Variants in USP49 observed in about 807,000 individuals in gnomAD.
USP49 encodes the protein ubiquitin specific peptidase 49, also known as ubiquitin carboxyl-terminal hydrolase 49.
Under a neutral mutation model 58.6 loss-of-function variants are expected in USP49, and 24 were observed. The ratio of observed to expected loss-of-function variants is 0.41; its 90% CI spans 0.30 to 0.58. The LOEUF (loss-of-function observed/expected upper bound fraction) is 0.58, where lower values mean the gene tolerates loss of function less well. USP49 is among the 20% of genes least tolerant of loss of function. The probability of loss-of-function intolerance (pLI) is 0.30; values close to 1 mark genes in which losing one functional copy is unlikely to be tolerated. For synonymous variants in USP49, 408 were observed against 365.1 expected (o/e 1.12, Z -1.34); for missense variants, 703 against 866.1 (o/e 0.81, Z 2.36).
chr6:41,800,755 A>G (rs1772983024), intron 5 of USP49, among the ~76,000 whole-genome samples: 1 of 152,260 alleles, frequency 6.6e-6, no homozygotes, highest in African/African-American at 2.4e-5. Flanking sequence ...GAAAAAAAGG[A>G]TAAGATTACT....
intron 3 of USP49, among the ~76,000 whole-genome samples, chr6:41,857,417 G>A (rs1774149454): frequency 6.6e-6 from 1 of 152,172 alleles, no homozygotes; most frequent in South Asian, 2.1e-4. Flanking sequence ...GGCCAAGGCA[G>A]GTGCATCGCT....
rs564220799 is a variant in USP49, at chr6:41,853,358, T to C, written c.-29+18206A>G. 1.5e-3 allele frequency among the ~76,000 whole-genome samples: 236 copies of C among 152,318 alleles called. No individual in the cohort carries two copies. The Middle Eastern group carries it at 0.027, about 18-fold the overall frequency. On this transcript the variant is annotated intron_variant, in intron 3 of 7. Transcript: ENST00000682992. ...TCATAGAGACAAAGTAGAATGGTGG[T>C]TGCCAGGGACTGGGGAAGAGGATGG...
At chr6:41,832,495 CAT>C (rs1297728150) in intron 3 of USP49, among the ~76,000 whole-genome samples, 2 of 152,196 alleles carry the variant, frequency 1.3e-5, no homozygotes, top group Admixed American at 6.5e-5. Context: ...AGCTCACACA[CAT>C]GGTGTGTTGC....
chr6:41,850,927 C>T (rs534319756), intron 3 of USP49, among the ~76,000 whole-genome samples: 13 of 151,698 alleles, frequency 8.6e-5, no homozygotes, highest in African/African-American at 3.1e-4. Context: ...AAACACACAA[C>T]TTACCAAGAC....
chr6:41,817,428 G>A (rs994078669), intron 3 of USP49, among the ~76,000 whole-genome samples: 3 of 147,240 alleles, frequency 2.0e-5, no homozygotes, highest in East Asian at 4.0e-4. Flanking sequence ...TTACAGGCAT[G>A]AGCCACCACG....
intron 2 of USP49, among the ~76,000 whole-genome samples, chr6:41,887,874 G>C (rs1774741443): frequency 6.6e-6 from 1 of 152,120 alleles, no homozygotes; most frequent in Non-Finnish European, 1.5e-5. Context: ...TCAGGAGAAT[G>C]CCTTACTTTC....
chr6:41,864,284 T>A (rs1561921848), intron 3 of USP49, among the ~76,000 whole-genome samples: 1 of 152,158 alleles, frequency 6.6e-6, no homozygotes, highest in African/African-American at 2.4e-5. Flanking sequence ...AAAATAGGGC[T>A]GGGTGCAGTG....
intron 3 of USP49, among the ~76,000 whole-genome samples, chr6:41,821,961 C>T (rs1773460137): frequency 6.6e-6 from 1 of 152,154 alleles, no homozygotes; most frequent in Non-Finnish European, 1.5e-5. Flanking sequence ...AATCTGGCCA[C>T]ACAGATCCAG....
chr6:41,823,039 A>C (rs1161499024), intron 3 of USP49, among the ~76,000 whole-genome samples: 1 of 152,244 alleles, frequency 6.6e-6, no homozygotes, highest in Admixed American at 6.5e-5. Flanking sequence ...TATTTTTAAA[A>C]AACTAAAAAA....
chr6:41,829,120 T>C (rs912289603), intron 3 of USP49, among the ~76,000 whole-genome samples: 7 of 152,182 alleles, frequency 4.6e-5, no homozygotes, highest in African/African-American at 1.7e-4. Context: ...ACTAAATGAT[T>C]ATTGCTGGTA....
rs558281488 is a variant in USP49, at chr6:41,882,466, C to T, written c.-103+9328G>A. 7.9e-5 allele frequency among the ~76,000 whole-genome samples: 12 copies of T among 152,232 alleles called. No homozygotes were observed. In the East Asian group the frequency reaches 2.3e-3, roughly 29 times the overall value. On this transcript the variant is annotated intron_variant, in intron 2 of 7. Coordinates refer to ENST00000682992, the MANE Select transcript of USP49 (RefSeq NM_001286554.2). ...CCACATCCAAAGATTGCTCCATATA[C>T]ATTAAAAACTTAAGGGGAAATGTAA...
At chr6:41,866,547 A>G (rs1774322493) in intron 3 of USP49, among the ~76,000 whole-genome samples, 1 of 152,254 alleles carries the variant, frequency 6.6e-6, no homozygotes, top group African/African-American at 2.4e-5. Flanking sequence ...TGAGTTTGGT[A>G]CATATCAGTG....
intron 3 of USP49, among the ~76,000 whole-genome samples, chr6:41,854,645 A>G (rs1311368193): frequency 6.6e-6 from 1 of 152,170 alleles, no homozygotes. Context: ...AGCAGATGTT[A>G]GTTTAGGTTG....
At chr6:41,823,441 T>C (rs569280025) in intron 3 of USP49, among the ~76,000 whole-genome samples, 12 of 152,196 alleles carry the variant, frequency 7.9e-5, no homozygotes, top group South Asian at 2.1e-4. Flanking sequence ...CTATGGTATA[T>C]AGAGTACCTA....
At position 41,805,944 on chromosome 6, in the gene USP49, T is replaced by A; in HGVS notation, c.1040A>T (p.Asn347Ile). 1 of 1,613,906 alleles carries A rather than the reference T, an allele frequency of 6.2e-7. No individual in the cohort carries two copies. Among genetic ancestry groups the A allele is most frequent in the Non-Finnish European group, 8.5e-7 (1 of 1,180,024 alleles). ...SISRSLELIQ[N>I]KEPSSKHISL... ...AATGTGCTTTGAACTCGGCTCCTTG[T>A]TCTGGATGAGCTCCAGACTCCGACT... Residue 347 changes from asparagine to isoleucine, a missense_variant, in exon 4 of 8, where the codon AAC becomes ATC. Transcript: ENST00000682992.
At chr6:41,802,608 T>A (rs1430549369) in intron 5 of USP49, among the ~76,000 whole-genome samples, 3 of 151,494 alleles carry the variant, frequency 2.0e-5, no homozygotes, top group Non-Finnish European at 4.4e-5. Context: ...ATTTTTTTTT[T>A]CTTCAAAACT....
At chr6:41,837,108 A>G (rs548038421) in intron 3 of USP49, among the ~76,000 whole-genome samples, 2 of 152,292 alleles carry the variant, frequency 1.3e-5, no homozygotes, top group African/African-American at 4.8e-5. Context: ...GAAAAAAACT[A>G]TTCTAAAATT....
rs1019944170 is a variant in USP49, at chr6:41,795,464, A to T, written c.*1069T>A. The T allele has an allele frequency of 8.5e-5, 13 of 152,202 alleles. No homozygotes were observed. Among genetic ancestry groups the T allele is most frequent in the African/African-American group, 2.9e-4 (12 of 41,506 alleles). 9.4% of individuals were successfully genotyped at this position (152,202 alleles called of 1,614,324 possible). A position where few individuals can be genotyped will look rare whatever the true frequency, so the allele number is the denominator to read the frequency against. On this transcript the variant is annotated 3_prime_UTR_variant, in exon 8 of 8. Coordinates refer to ENST00000682992, the MANE Select transcript of USP49 (RefSeq NM_001286554.2). ...AACAGGTCAAGGCCATTGGTAATCA[A>T]CTCTTCAGATATGTACGAGGTGGAC...
intron 2 of USP49, among the ~76,000 whole-genome samples, chr6:41,872,574 CAT>C (rs1361120178): frequency 2.0e-5 from 3 of 151,100 alleles, no homozygotes; most frequent in East Asian, 1.9e-4. Flanking sequence ...AATTGGAGTA[CAT>C]ATATATATAT....
Sources: gnomAD v4.1 joint callset for allele counts (sites outside exome capture counted in the v4.1 genomes callset) on GRCh38, gnomAD v4.1.1 for gene constraint, MANE v1.5 for transcripts, NCBI Gene and HGNC (gene_info 2026-07-23, HGNC 2026-07-21) for gene names.